C13orf42: variants seen among roughly 807,000 people sequenced by gnomAD.
C13orf42 encodes the protein uncharacterized protein C13orf42.
chr13:51,167,862 T>C (rs1488246662), intron 1 of C13orf42, among the ~76,000 whole-genome samples: 1 of 152,222 alleles, frequency 6.6e-6, no homozygotes, highest in Non-Finnish European at 1.5e-5. Flanking sequence ...TTTGGTTGTA[T>C]TGTACATCCT....
chr13:51,115,580 C>T (rs1276184144), upstream of C13orf42, among the ~76,000 whole-genome samples: 2 of 152,152 alleles, frequency 1.3e-5, no homozygotes, highest in Non-Finnish European at 2.9e-5. Flanking sequence ...CACCTTGGTC[C>T]CTAATTGCAC....
intron 1 of C13orf42, chr13:51,162,073 CT>C: frequency 2.9e-6 from 1 of 340,904 alleles, no homozygotes; most frequent in Admixed American, 3.2e-5. Flanking sequence ...TCAGGCCAAC[CT>C]TTACACCGTA....
intron 1 of C13orf42, among the ~76,000 whole-genome samples, chr13:51,143,148 T>C (rs1040217192): frequency 1.3e-5 from 2 of 152,186 alleles, no homozygotes; most frequent in African/African-American, 4.8e-5. Context: ...CACCAAGTCC[T>C]GCTAAATCTT....
intron 1 of C13orf42, among the ~76,000 whole-genome samples, chr13:51,132,417 C>G (rs1312714801): frequency 6.6e-6 from 1 of 151,016 alleles, no homozygotes; most frequent in Non-Finnish European, 1.5e-5. Context: ...TGGTGACAGA[C>G]AGACTCCGTC....
chr13:51,097,761 T>C (rs77667978), intron 1 of C13orf42, among the ~76,000 whole-genome samples: 1 of 152,096 alleles, frequency 6.6e-6, no homozygotes, highest in Non-Finnish European at 1.5e-5. Flanking sequence ...TTTTTTTTTT[T>C]CCTAGCCCAG....
intron 1 of C13orf42, among the ~76,000 whole-genome samples, chr13:51,088,323 T>C (rs1484343665): frequency 6.6e-6 from 1 of 152,208 alleles, no homozygotes; most frequent in Non-Finnish European, 1.5e-5. Flanking sequence ...ACTTCTTTCT[T>C]CATCACAGAT....
rs149996332 is a variant in C13orf42, at chr13:51,126,277, T to C, written n.137-13055A>G. 2.1e-3 allele frequency among the ~76,000 whole-genome samples: 318 copies of C among 152,326 alleles called. 2 individuals are homozygous for C. The highest frequency in any genetic ancestry group is 7.5e-3 in the African/African-American group (312 of 41,572). On this transcript the variant is annotated intron_variant and non_coding_transcript_variant, in intron 1 of 4. Transcript: ENST00000433280. ...TGAACAGCAGTGCCAATGAAATGCATTGAGGTGTATTTGTTTTGACACTGA... is the reference window on the plus strand; with the variant it reads ...TGAACAGCAGTGCCAATGAAATGCACTGAGGTGTATTTGTTTTGACACTGA...
At chr13:51,145,241 A>T (rs7332547) in intron 1 of C13orf42, among the ~76,000 whole-genome samples, 74,810 of 151,980 alleles carry the variant, frequency 0.49, 18,541 homozygotes, top group African/African-American at 0.54. Flanking sequence ...TTCAGAAGAA[A>T]ATAACAGTAA....
At chr13:51,144,650 T>C (rs1327472432) in intron 1 of C13orf42, among the ~76,000 whole-genome samples, 1 of 152,200 alleles carries the variant, frequency 6.6e-6, no homozygotes, top group African/African-American at 2.4e-5. Context: ...TCATATTTTG[T>C]GTACACAGTC....
chr13:51,122,538 GAA>G (rs541728426), intron 1 of C13orf42, among the ~76,000 whole-genome samples: 7 of 81,536 alleles, frequency 8.6e-5, no homozygotes, highest in Admixed American at 1.3e-4. Flanking sequence ...GTTCCAAAAA[GAA>G]AAAAAAAAAA....
Position 51,110,879 on chromosome 13 carries a change from T to A in C13orf42, c.331A>T (p.Thr111Ser). Reference protein sequence around the residue: ...SSFSDLKPHRTQGISSTSSKS... With the variant: ...SSFSDLKPHRSQGISSTSSKS... ...GAGGAGGTTGAGGAAATCCCCTGGG[T>A]GCGGTGGGGCTTCAGATCACTGAAG... is the stretch of plus-strand genomic sequence containing the variant. Residue 111 changes from threonine (T) to serine (S), a missense_variant, in exon 1 of 4, where the codon ACC becomes TCC. By Grantham distance (58) the Thr-to-Ser change is moderately conservative. Coordinates refer to ENST00000563710, the MANE Select transcript of C13orf42 (RefSeq NM_001351589.3). 1 of 398,614 alleles carries A rather than the reference T, an allele frequency of 2.5e-6. No individual in the cohort carries two copies. Among genetic ancestry groups the A allele is most frequent in the Non-Finnish European group, 4.4e-6 (1 of 226,070 alleles). 24.7% of individuals were successfully genotyped at this position (398,614 alleles called of 1,614,324 possible).
At chr13:51,086,996 A>G (rs1953134303) in intron 2 of C13orf42, among the ~76,000 whole-genome samples, 1 of 152,248 alleles carries the variant, frequency 6.6e-6, no homozygotes, top group Non-Finnish European at 1.5e-5. Flanking sequence ...TCTTTCAAGC[A>G]TTAGAGAAAA....
intron 1 of C13orf42, among the ~76,000 whole-genome samples, chr13:51,138,851 G>A (rs543938931): frequency 3.3e-5 from 5 of 152,148 alleles, no homozygotes; most frequent in Non-Finnish European, 7.3e-5. Flanking sequence ...TCCATTGGCA[G>A]ATAAATGGAT....
intron 1 of C13orf42, among the ~76,000 whole-genome samples, chr13:51,153,677 TCG>T (rs1185588970): frequency 2.1e-5 from 3 of 143,054 alleles, no homozygotes; most frequent in African/African-American, 7.8e-5. Context: ...TCTCGCTTTG[TCG>T]CCCAGGCTGG....
chr13:51,127,080 T>C (rs1204908551), intron 1 of C13orf42, among the ~76,000 whole-genome samples: 1 of 151,958 alleles, frequency 6.6e-6, no homozygotes, highest in African/African-American at 2.4e-5. Flanking sequence ...GGCAGGAGGA[T>C]TACTTGAGCC....
intron 1 of C13orf42, among the ~76,000 whole-genome samples, chr13:51,156,183 A>G (rs1593555586): frequency 6.6e-6 from 1 of 152,194 alleles, no homozygotes; most frequent in African/African-American, 2.4e-5. Flanking sequence ...ATTCGGGGCT[A>G]TGTTAACCCA....
intron 1 of C13orf42, among the ~76,000 whole-genome samples, chr13:51,103,775 A>G (rs1350767015): frequency 1.3e-5 from 2 of 152,212 alleles, no homozygotes; most frequent in South Asian, 2.1e-4. Context: ...GCTAAGTGCC[A>G]TAAGCCAGAC....
At chr13:51,108,564 CGGCT>C (rs1230435440) in intron 1 of C13orf42, among the ~76,000 whole-genome samples, 1 of 152,186 alleles carries the variant, frequency 6.6e-6, no homozygotes, top group Non-Finnish European at 1.5e-5. Context: ...GCTGAAAAGA[CGGCT>C]AAGAGCCTCC....
chr13:51,101,051 T>C (rs868268866), intron 1 of C13orf42, among the ~76,000 whole-genome samples: 1 of 152,220 alleles, frequency 6.6e-6, no homozygotes, highest in East Asian at 1.9e-4. Context: ...TATATGGACA[T>C]GAGGTTTGCC....
Sources: gnomAD v4.1 joint callset for allele counts (sites outside exome capture counted in the v4.1 genomes callset) on GRCh38, gnomAD v4.1.1 for gene constraint, MANE v1.5 for transcripts, NCBI Gene and HGNC (gene_info 2026-07-23, HGNC 2026-07-21) for gene names.